Variants in GAS7 observed in about 807,000 individuals in gnomAD.
The protein encoded by GAS7 is growth arrest-specific protein 7.
A neutral mutation model predicts 71.1 loss-of-function variants in GAS7; 28 were observed. The observed-to-expected ratio is 0.39, with a 90% CI of 0.29 to 0.54. The LOEUF (loss-of-function observed/expected upper bound fraction) is 0.54, where lower values mean the gene tolerates loss of function less well. Among genes scored for constraint, GAS7 ranks in the 20% least tolerant of loss-of-function variants. The probability of loss-of-function intolerance (pLI) is 0.62; values close to 1 mark genes in which losing one functional copy is unlikely to be tolerated. For synonymous variants in GAS7, 258 were observed against 245.8 expected (o/e 1.05, Z -0.46); for missense variants, 436 against 627.8 (o/e 0.69, Z 3.27).
At chr17:10,062,559 C>T (rs1423636719) in intron 1 of GAS7, among the ~76,000 whole-genome samples, 3 of 152,164 alleles carry the variant, frequency 2.0e-5, no homozygotes, top group African/African-American at 7.2e-5. Context: ...CAATGATTCT[C>T]CATGGATATA....
chr17:10,156,619 T>A (rs1003373106), intron 1 of GAS7, among the ~76,000 whole-genome samples: 2 of 152,116 alleles, frequency 1.3e-5, no homozygotes, highest in Admixed American at 6.5e-5. Flanking sequence ...ACCCTCTGGC[T>A]ACAGTGAAAG....
At chr17:9,968,392 A>C (rs1421364117) in intron 4 of GAS7, among the ~76,000 whole-genome samples, 1 of 152,108 alleles carries the variant, frequency 6.6e-6, no homozygotes, top group Non-Finnish European at 1.5e-5. Context: ...CCCACCCTAG[A>C]TCTCCTGGAT....
chr17:10,195,980 C>T (rs2074537500), intron 1 of GAS7, among the ~76,000 whole-genome samples: 1 of 152,118 alleles, frequency 6.6e-6, no homozygotes, highest in Admixed American at 6.5e-5. Context: ...AGACCCCCAG[C>T]TGGTTCTGAG....
intron 8 of GAS7, 73 bp from the exon 9 acceptor site, chr17:9,934,317 C>CAT: frequency 3.9e-6 from 4 of 1,038,744 alleles, no homozygotes; most frequent in Non-Finnish European, 5.9e-6. Flanking sequence ...GGGGCTCCAC[C>CAT]CCAGGTCTCG....
In GAS7 at chr17:10,026,240, A is replaced by G. The variant is rs973925691; in HGVS notation, c.184-6343T>C. 4 of 985,198 alleles carry G rather than the reference A, an allele frequency of 4.1e-6. No individual in the cohort carries two copies. The highest frequency in any genetic ancestry group is 1.7e-5 in the African/African-American group (1 of 57,222). 61.0% of individuals were successfully genotyped at this position (985,198 alleles called of 1,614,324 possible). ...TTAGCAGCCAGATCAGACGGTTTTAAGGTCTCCCACTCTGCATCCTCTCAC... is the reference window on the plus strand; with the variant it reads ...TTAGCAGCCAGATCAGACGGTTTTAGGGTCTCCCACTCTGCATCCTCTCAC... On this transcript the variant is annotated intron_variant, in intron 1 of 13. Transcript: ENST00000432992. This position sits in a 1 kb window ranked among gnomAD's most constrained non-coding sequence, Gnocchi z 4.5.
intron 1 of GAS7, among the ~76,000 whole-genome samples, chr17:10,101,859 C>T (rs1270994044): frequency 3.3e-5 from 5 of 152,290 alleles, no homozygotes; most frequent in East Asian, 3.9e-4. Flanking sequence ...TTTTCACGCT[C>T]TTTGTGCTTC....
chr17:10,104,872 TC>T lies in GAS7; in HGVS notation c.184-84976del, dbSNP rs143329771. Among the ~76,000 whole-genome samples the T allele has an allele frequency of 2.6e-3, 399 of 152,306 alleles. 4 individuals are homozygous for T. The highest frequency in any genetic ancestry group is 9.2e-3 in the African/African-American group (384 of 41,554). ...CCACTTTTCATCCCCTCCAATTCAT[TC>T]TCACATTGCAGCCAGAGGGAACTTA... On this transcript the variant is annotated intron_variant, in intron 1 of 13. Transcript: ENST00000432992.
At chr17:10,064,460 G>A (rs897843342) in intron 1 of GAS7, among the ~76,000 whole-genome samples, 1 of 152,270 alleles carries the variant, frequency 6.6e-6, no homozygotes, top group African/African-American at 2.4e-5. Context: ...CTCAGCCCTC[G>A]AGGTTTCCGG....
At chr17:10,193,904 A>G (rs2074520805) in intron 1 of GAS7, among the ~76,000 whole-genome samples, 1 of 152,214 alleles carries the variant, frequency 6.6e-6, no homozygotes, top group East Asian at 1.9e-4. Flanking sequence ...TGTTGCTTTG[A>G]AACACTAAAT....
At chr17:10,032,128 A>C (rs942795784) in intron 1 of GAS7, among the ~76,000 whole-genome samples, 5 of 151,804 alleles carry the variant, frequency 3.3e-5, no homozygotes, top group African/African-American at 1.2e-4. Context: ...AAAAAAAAAA[A>C]AACCCTACAT....
At chr17:10,128,839 T>C (rs2073973792) in intron 1 of GAS7, among the ~76,000 whole-genome samples, 1 of 129,238 alleles carries the variant, frequency 7.7e-6, no homozygotes, top group Non-Finnish European at 1.8e-5. Flanking sequence ...CAGGATGGTC[T>C]CGATCTCCTG....
chr17:10,195,798 T>C (rs530549023), intron 1 of GAS7, among the ~76,000 whole-genome samples: 1 of 152,290 alleles, frequency 6.6e-6, no homozygotes. Context: ...TCTGCTTGCA[T>C]GTCCTCTATC....
At chr17:10,179,696 C>A (rs1377831480) in intron 1 of GAS7, among the ~76,000 whole-genome samples, 2 of 152,172 alleles carry the variant, frequency 1.3e-5, no homozygotes, top group Admixed American at 6.5e-5. Flanking sequence ...AGTGCTAAAA[C>A]CAGACAAACA....
intron 1 of GAS7, among the ~76,000 whole-genome samples, chr17:10,030,179 T>C (rs1487678929): frequency 1.3e-5 from 2 of 152,222 alleles, no homozygotes; most frequent in South Asian, 4.1e-4. Context: ...TGTGAGTCTT[T>C]TGAGTCTTAC....
intron 3 of GAS7, among the ~76,000 whole-genome samples, chr17:9,975,529 T>TCC (rs1172386025): frequency 2.1e-4 from 29 of 139,568 alleles, no homozygotes; most frequent in African/African-American, 7.4e-4. Flanking sequence ...TCCTTCTTTC[T>TCC]CACCCCCCCC....
intron 1 of GAS7, among the ~76,000 whole-genome samples, chr17:10,073,931 C>T (rs2073366048): frequency 6.6e-6 from 1 of 152,168 alleles, no homozygotes; most frequent in African/African-American, 2.4e-5. Flanking sequence ...ATGTATTTAT[C>T]CACCTGTTTA....
intron 1 of GAS7, among the ~76,000 whole-genome samples, chr17:10,039,500 G>A (rs2072821267): frequency 6.6e-6 from 1 of 152,142 alleles, no homozygotes; most frequent in African/African-American, 2.4e-5. Flanking sequence ...TGGCCAACAT[G>A]GCGAAAACCC....
At chr17:10,156,969 A>G (rs1432989331) in intron 1 of GAS7, among the ~76,000 whole-genome samples, 1 of 152,160 alleles carries the variant, frequency 6.6e-6, no homozygotes, top group African/African-American at 2.4e-5. Flanking sequence ...CAAGCCCTGG[A>G]CACCAAAGTA....
chr17:10,157,826 A>G (rs369746372), intron 1 of GAS7, among the ~76,000 whole-genome samples: 3 of 152,104 alleles, frequency 2.0e-5, no homozygotes, highest in African/African-American at 7.2e-5. Flanking sequence ...CACATGTGAA[A>G]CCCAGATGGC....
Sources: gnomAD v4.1 joint callset for allele counts (sites outside exome capture counted in the v4.1 genomes callset) on GRCh38, gnomAD v4.1.1 for gene constraint, Gnocchi (gnomAD v3.1) non-coding constraint, MANE v1.5 for transcripts, NCBI Gene and HGNC (gene_info 2026-07-23, HGNC 2026-07-21) for gene names.